Variants in CUL7 observed in about 807,000 individuals in gnomAD.
The protein encoded by CUL7 is cullin 7.
A neutral mutation model predicts 177.7 loss-of-function variants in CUL7; 96 were observed. The ratio of observed to expected loss-of-function variants is 0.54; its 90% CI spans 0.46 to 0.64. CUL7 has a LOEUF of 0.64. Ranked by LOEUF, CUL7 falls within the 30% of genes least tolerant of loss-of-function variation. The probability of loss-of-function intolerance (pLI) is 0.00; values close to 1 mark genes in which losing one functional copy is unlikely to be tolerated. For missense variants in CUL7, 1,893 were observed against 2,187.9 expected, an observed-to-expected ratio of 0.87 and a Z score of 2.69; for synonymous variants, 824 against 890.2, an observed-to-expected ratio of 0.93 and a Z score of 1.32.
intron 19 of CUL7, among the ~76,000 whole-genome samples, chr6:43,041,344 G>A (rs1289934554): frequency 1.3e-5 from 2 of 152,182 alleles, no homozygotes; most frequent in East Asian, 1.9e-4. Context: ...CGCAGTTCAC[G>A]CCTGTAATTC....
At chr6:43,049,728 G>A (rs1320195291) in intron 6 of CUL7, 66 bp from the exon 7 acceptor site, 16 of 1,595,802 alleles carry the variant, frequency 1.0e-5, no homozygotes, top group African/African-American at 1.3e-5. Flanking sequence ...GGGAGCACTT[G>A]GTAGGGGTGG....
At chr6:43,041,787 C>T (rs924183373) in intron 19 of CUL7, among the ~76,000 whole-genome samples, 3 of 151,320 alleles carry the variant, frequency 2.0e-5, no homozygotes, top group South Asian at 2.1e-4. Context: ...GGGCGGATCA[C>T]GAGGTCAGGA....
intron 19 of CUL7, 108 bp from the exon 20 acceptor site, chr6:43,041,183 A>G: frequency 9.4e-7 from 1 of 1,068,104 alleles, no homozygotes; most frequent in Non-Finnish European, 1.4e-6. Context: ...GCAGCTTTCT[A>G]AGGTGGTTGG....
Position 43,049,957 on chromosome 6 carries a change from CTCTACCTCCCCA to C in CUL7, c.1563_1569+5del. 1 of 1,613,646 alleles carries C rather than the reference CTCTACCTCCCCA, an allele frequency of 6.2e-7. No individual in the cohort carries two copies. ...CAACCTCTGAGTGTCTCCAGGCTGG[CTCTACCTCCCCA>C]TCTAGGTTCTCCTGGAGGATCTGGA... On this transcript the variant is annotated splice_donor_variant and splice_donor_5th_base_variant and coding_sequence_variant and intron_variant, in exon 6 of 26. Coordinates refer to ENST00000265348, the MANE Select transcript of CUL7 (RefSeq NM_014780.5). LOFTEE classifies it high-confidence loss of function.
chr6:43,040,521 G>A lies in CUL7; in HGVS notation c.4023+9C>T, dbSNP rs759270786. The A allele has an allele frequency of 2.5e-6, 4 of 1,613,808 alleles. No individual in the cohort carries two copies. Among genetic ancestry groups the A allele is most frequent in the Non-Finnish European group, 3.4e-6 (4 of 1,179,982 alleles). ...CCTCTTATTTGCTTATCCCTTCCAA[G>A]GCACTCACCTGTATTTTCTTCTCTG... On this transcript the variant is annotated intron_variant, in intron 21 of 25. Coordinates refer to ENST00000265348, the MANE Select transcript of CUL7 (RefSeq NM_014780.5). This position sits in a 1 kb window ranked among gnomAD's most constrained non-coding sequence, Gnocchi z 4.2.
intron 12 of CUL7, 50 bp from the exon 13 acceptor site, chr6:43,046,141 G>A (rs1420707250): frequency 1.2e-6 from 2 of 1,611,606 alleles, no homozygotes; most frequent in African/African-American, 1.3e-5. Context: ...AGGGCCCATG[G>A]CCAAGTCCAG....
rs1432659911 is a variant in CUL7 at position 43,046,954 on chromosome 6, T to A, written c.2323A>T (p.Met775Leu). Reference protein sequence around the residue: ...KLELAQELRDMVFKCEKHAHL... With the variant: ...KLELAQELRDLVFKCEKHAHL... ...GCATGCTTCTCACACTTGAACACCATGTCCCGCAGCTCCTGAGCCAGCTCC... is the reference window on the plus strand; with the variant it reads ...GCATGCTTCTCACACTTGAACACCAAGTCCCGCAGCTCCTGAGCCAGCTCC... The change falls in exon 10 of 26, where the codon ATG becomes TTG. Residue 775 changes from methionine to leucine, a missense_variant. This residue lies in a region of CUL7 where 973 missense variants were observed against 1,140.9 expected (regional missense o/e 0.85). Coordinates refer to ENST00000265348, the MANE Select transcript of CUL7 (RefSeq NM_014780.5). 1 of 1,613,734 alleles carries A rather than the reference T, an allele frequency of 6.2e-7. No homozygotes were observed. The highest frequency in any genetic ancestry group is 2.2e-5 in the East Asian group (1 of 44,878).
chr6:43,046,359 A>G lies in CUL7; in HGVS notation c.2537T>C (p.Val846Ala). ...GCTGGCCCGGTGCGGGTTGGAGGAC[A>G]CCTCCACCTTCTCCCAGCACTTGTC... Reference protein sequence around the residue: ...KEDKCWEKVEVSSNPHRASKL... With the variant: ...KEDKCWEKVEASSNPHRASKL... Residue 846 changes from valine (V) to alanine (A), a missense_variant, in exon 12 of 26, where the codon GTG becomes GCG. Val to Ala is a moderately conservative substitution (Grantham distance 64). Transcript: ENST00000265348. 6.2e-7 allele frequency: 1 copy of G among 1,614,080 alleles called. No individual in the cohort carries two copies.
Position 43,051,424 on chromosome 6 carries a change from A to T in CUL7, c.777T>A (p.His259Gln), listed in dbSNP as rs752414982. The T allele has an allele frequency of 6.2e-7, 1 of 1,614,074 alleles. No individual in the cohort carries two copies. The highest frequency in any genetic ancestry group is 1.7e-5 in the Admixed American group (1 of 60,012). Reference sequence around the variant, plus strand: ...TCAGCTGATCCAGGAGCGAGGTGACATGCAAATACCGCTTCACCAGGGAGA... The same window carrying T: ...TCAGCTGATCCAGGAGCGAGGTGACTTGCAAATACCGCTTCACCAGGGAGA... ...VLFSLVKRYL[H>Q]VTSLLDQLND... is the part of the protein sequence containing the mutation. The change falls in exon 4 of 26, where the codon CAT becomes CAA. Residue 259 changes from histidine (H) to glutamine (Q), a missense_variant. Transcript: ENST00000265348. This position sits in a 1 kb window ranked among gnomAD's most constrained non-coding sequence, Gnocchi z 5.0.
Position 43,042,960 on chromosome 6 carries a change from A to G in CUL7, c.3487T>C (p.Trp1163Arg). ...CGTGGCACAAAGTCATCATCCCGCCAGGATGAGGTCAGAAAATTGTTCACC... is the reference window on the plus strand; with the variant it reads ...CGTGGCACAAAGTCATCATCCCGCCGGGATGAGGTCAGAAAATTGTTCACC... ...KQVNNFLTSSWRDDDFVPRYC... is the reference protein window; with the variant it reads ...KQVNNFLTSSRRDDDFVPRYC... The change falls in exon 19 of 26, where the codon TGG becomes CGG. Residue 1163 changes from tryptophan to arginine, a missense_variant. Around this residue, in one of 5 missense-constraint regions of CUL7, gnomAD observed 973 missense variants for 1,140.9 expected, o/e 0.85. Transcript: ENST00000265348. 6.2e-7 allele frequency: 1 copy of G among 1,614,224 alleles called. No individual in the cohort carries two copies. The highest frequency in any genetic ancestry group is 8.5e-7 in the Non-Finnish European group (1 of 1,180,030).
intron 19 of CUL7, among the ~76,000 whole-genome samples, chr6:43,041,544 A>G (rs1763412124): frequency 6.6e-6 from 1 of 152,168 alleles, no homozygotes; most frequent in Non-Finnish European, 1.5e-5. Context: ...TTGAGGCCGC[A>G]GTGAGCTGTG....
chr6:43,052,002 G>C lies in CUL7; in HGVS notation c.580+207C>G. ...CATAAAAAGCAACTAATTAATATGAGGTTCTTGAAGATAGTCTTTCCTCTT... is the reference window on the plus strand; with the variant it reads ...CATAAAAAGCAACTAATTAATATGACGTTCTTGAAGATAGTCTTTCCTCTT... On this transcript the variant is annotated intron_variant, in intron 2 of 25. Transcript: ENST00000265348. The surrounding 1 kb of genome is among the most constrained non-coding windows in gnomAD (Gnocchi z 4.5). 1.0e-6 allele frequency: 1 copy of C among 985,734 alleles called. No individual in the cohort carries two copies. Among genetic ancestry groups the C allele is most frequent in the Admixed American group, 2.5e-5 (1 of 40,078 alleles). 61.1% of individuals were successfully genotyped at this position (985,734 alleles called of 1,614,324 possible).
rs1333880299 is a variant in CUL7 at position 43,053,389 on chromosome 6, G to A, written c.-9+233C>T. 6.6e-6 allele frequency among the ~76,000 whole-genome samples: 1 copy of A among 152,138 alleles called. No homozygotes were observed. Among genetic ancestry groups the A allele is most frequent in the Non-Finnish European group, 1.5e-5 (1 of 68,020 alleles). On this transcript the variant is annotated intron_variant, in intron 1 of 25. Coordinates refer to ENST00000265348, the MANE Select transcript of CUL7 (RefSeq NM_014780.5). This position sits in a 1 kb window ranked among gnomAD's most constrained non-coding sequence, Gnocchi z 4.1. ...CTGGAACAAGAGGGCTGGTGAGGGCGCCGCGAGACCCAGGGCAGGGTGCAC... is the reference window on the plus strand; with the variant it reads ...CTGGAACAAGAGGGCTGGTGAGGGCACCGCGAGACCCAGGGCAGGGTGCAC...
rs755291715 is a variant in CUL7 at position 43,045,311 on chromosome 6, G to A, written c.2954C>T (p.Thr985Ile). The A allele has an allele frequency of 2.5e-6, 4 of 1,614,222 alleles. No individual in the cohort carries two copies. In the East Asian group the frequency reaches 6.7e-5, roughly 27 times the overall value. ...TGCCCGAACCATGTAGAAGAGGCGTGTGTGACGACAGAGCTGCTCCCGGAA... is the reference window on the plus strand; with the variant it reads ...TGCCCGAACCATGTAGAAGAGGCGTATGTGACGACAGAGCTGCTCCCGGAA... ...PVFREQLCRH[T>I]RLFYMVRAQA... Residue 985 changes from threonine to isoleucine, a missense_variant, in exon 15 of 26, where the codon ACA becomes ATA. This residue lies in a region of CUL7 where 973 missense variants were observed against 1,140.9 expected (regional missense o/e 0.85). Coordinates refer to ENST00000265348, the MANE Select transcript of CUL7 (RefSeq NM_014780.5). The surrounding 1 kb of genome is among the most constrained non-coding windows in gnomAD (Gnocchi z 4.8).
Position 43,052,825 on chromosome 6 carries a change from C to T in CUL7, c.-8-29G>A. On this transcript the variant is annotated intron_variant, in intron 1 of 25. Transcript: ENST00000265348. This position sits in a 1 kb window ranked among gnomAD's most constrained non-coding sequence, Gnocchi z 4.5. ...GAGCACACAAGGAAAAGAGAACAGA[C>T]AAGCTAGAGGAAGGAGAGGTCAGAA... 1.3e-6 allele frequency: 2 copies of T among 1,593,752 alleles called. No individual in the cohort carries two copies. Among genetic ancestry groups the T allele is most frequent in the South Asian group, 1.1e-5 (1 of 90,498 alleles).
At chr6:43,042,152 AAG>A (rs1240764495) in intron 19 of CUL7, among the ~76,000 whole-genome samples, 55 of 151,318 alleles carry the variant, frequency 3.6e-4, no homozygotes, top group African/African-American at 7.8e-4. Flanking sequence ...GGAAGGGAGA[AAG>A]AGAGAGAGAA....
chr6:43,037,662 A>G lies in CUL7; in HGVS notation c.*26T>C. The G allele has an allele frequency of 6.5e-7, 1 of 1,540,070 alleles. No homozygotes were observed. Among genetic ancestry groups the G allele is most frequent in the Non-Finnish European group, 8.8e-7 (1 of 1,136,694 alleles). On this transcript the variant is annotated 3_prime_UTR_variant, in exon 26 of 26. Transcript: ENST00000265348. ...TTATTTCTGTAAAAGCTCCAGCTCT[A>G]CCTTCCCCTGACCCCAAGTCTAGGG...
In CUL7 at chr6:43,043,732, G is replaced by C; in HGVS notation, c.3173-102C>G. The C allele has an allele frequency of 1.2e-6, 1 of 810,696 alleles. No individual in the cohort carries two copies. The highest frequency in any genetic ancestry group is 2.7e-5 in the East Asian group (1 of 37,636). 50.2% of individuals were successfully genotyped at this position (810,696 alleles called of 1,614,324 possible). A position where few individuals can be genotyped will look rare whatever the true frequency, so the allele number is the denominator to read the frequency against. On this transcript the variant is annotated intron_variant, in intron 16 of 25. Coordinates refer to ENST00000265348, the MANE Select transcript of CUL7 (RefSeq NM_014780.5). This position sits in a 1 kb window ranked among gnomAD's most constrained non-coding sequence, Gnocchi z 4.2. Reference sequence around the variant, plus strand: ...TGGAGATAGAGCAACTGGACGGAATGATACAAGGAAGGGGGGCCAGGTAGG... The same window carrying C: ...TGGAGATAGAGCAACTGGACGGAATCATACAAGGAAGGGGGGCCAGGTAGG...
At position 43,046,419 on chromosome 6, in the gene CUL7, T is replaced by C. The variant is rs778912345; in HGVS notation, c.2489-12A>G. On this transcript the variant is annotated splice_polypyrimidine_tract_variant and intron_variant, in intron 11 of 25. Coordinates refer to ENST00000265348, the MANE Select transcript of CUL7 (RefSeq NM_014780.5). ...TTCCACACTGGAGCCTGGGGGCAAG[T>C]GGGAAGGGGTGGTGGTCACGGTCAG... is the stretch of plus-strand genomic sequence containing the variant. 7.4e-6 allele frequency: 12 copies of C among 1,613,300 alleles called. No individual in the cohort carries two copies. Among genetic ancestry groups the C allele is most frequent in the East Asian group, 2.2e-5 (1 of 44,862 alleles).
Sources: allele counts gnomAD v4.1 joint callset (sites outside exome capture counted in the v4.1 genomes callset), GRCh38; gene constraint gnomAD v4.1.1; regional missense constraint gnomAD v4.1.1; non-coding constraint Gnocchi (gnomAD v3.1); transcripts MANE v1.5; gene names NCBI Gene and HGNC (gene_info 2026-07-23, HGNC 2026-07-21).